RIMS1: variants seen among roughly 807,000 people sequenced by gnomAD.
RIMS1 encodes the protein regulating synaptic membrane exocytosis protein 1.
RIMS1 carries 83 observed loss-of-function variants against 214.1 expected under a neutral mutation model. The observed-to-expected ratio is 0.39, with a 90% CI of 0.32 to 0.47. The LOEUF (loss-of-function observed/expected upper bound fraction) is 0.47, where lower values mean the gene tolerates loss of function less well. RIMS1 is among the 20% of genes least tolerant of loss of function. The pLI, the probability that RIMS1 is intolerant of heterozygous loss-of-function variation, is 0.99. For synonymous variants in RIMS1, 793 were observed against 786.8 expected (o/e 1.01, Z -0.13); for missense variants, 2,050 against 2,161.8 (o/e 0.95, Z 1.03).
chr6:72,368,725 T>C (rs1186462481), intron 29 of RIMS1, among the ~76,000 whole-genome samples: 1 of 152,022 alleles, frequency 6.6e-6, no homozygotes, highest in Admixed American at 6.6e-5. Context: ...AGATGACAAG[T>C]TAGATAAAAG....
intron 2 of RIMS1, among the ~76,000 whole-genome samples, chr6:72,080,913 A>G (rs1833222667): frequency 6.6e-6 from 1 of 152,240 alleles, no homozygotes; most frequent in Admixed American, 6.5e-5. Context: ...CTCAGATGAT[A>G]ATATAATATG....
At chr6:71,889,175 G>A (rs1080064) in intron 1 of RIMS1, among the ~76,000 whole-genome samples, 1,830 of 152,290 alleles carry the variant, frequency 0.012, 15 homozygotes, top group South Asian at 0.041. Flanking sequence ...GGAAGGGGAA[G>A]GCACGGTGCA....
At chr6:72,303,411 T>A (rs908458332) in intron 26 of RIMS1, among the ~76,000 whole-genome samples, 1 of 151,060 alleles carries the variant, frequency 6.6e-6, no homozygotes, top group Non-Finnish European at 1.5e-5. Flanking sequence ...TAGGAATCCT[T>A]AGCAAAGAAT....
At chr6:72,094,629 C>T (rs2030662130) in intron 2 of RIMS1, among the ~76,000 whole-genome samples, 1 of 152,138 alleles carries the variant, frequency 6.6e-6, no homozygotes, top group Admixed American at 6.6e-5. Flanking sequence ...CATTTACATA[C>T]TATCTGTGGC....
At chr6:72,098,637 C>A (rs1175596461) in intron 3 of RIMS1, among the ~76,000 whole-genome samples, 1 of 152,100 alleles carries the variant, frequency 6.6e-6, no homozygotes, top group African/African-American at 2.4e-5. Context: ...GTTACTACCT[C>A]TGTGGCTTTA....
At chr6:72,007,361 G>T (rs1025735795) in intron 2 of RIMS1, among the ~76,000 whole-genome samples, 1 of 152,124 alleles carries the variant, frequency 6.6e-6, no homozygotes, top group Admixed American at 6.6e-5. Context: ...AGGTAAAACC[G>T]CAAAGATGGG....
At position 72,168,476 on chromosome 6, in the gene RIMS1, G is replaced by T. The variant is rs182624613; in HGVS notation, c.472-11099G>T. On this transcript the variant is annotated intron_variant, in intron 4 of 33. Transcript: ENST00000521978. ...TGTGTCCCTTCTTTCCTGATTATTA[G>T]TTTGGGGTGGGCTGTCCACATGTGC... Among the ~76,000 whole-genome samples, 38 of 152,220 alleles carry T rather than the reference G, an allele frequency of 2.5e-4. No homozygotes were observed. The Middle Eastern group carries it at 0.01, about 41-fold the overall frequency.
intron 1 of RIMS1, among the ~76,000 whole-genome samples, chr6:71,953,508 G>A (rs1237566745): frequency 3.3e-5 from 5 of 152,014 alleles, no homozygotes; most frequent in African/African-American, 1.2e-4. Context: ...TTAAGCAGGG[G>A]GGAAAAAGCA....
intron 4 of RIMS1, among the ~76,000 whole-genome samples, chr6:72,122,578 G>A (rs1437576482): frequency 2.0e-5 from 3 of 151,660 alleles, no homozygotes; most frequent in Admixed American, 2.0e-4. Context: ...TGCCTCTGGT[G>A]GAATTTGGCT....
At chr6:72,366,658 A>C in intron 29 of RIMS1, 121 of 905,594 alleles carry the variant, frequency 1.3e-4, no homozygotes, top group South Asian at 1.5e-4. Flanking sequence ...TATATTCTGT[A>C]TATGCATGAG....
chr6:72,065,940 AG>A (rs1829192143), intron 2 of RIMS1, among the ~76,000 whole-genome samples: 1 of 151,870 alleles, frequency 6.6e-6, no homozygotes, highest in African/African-American at 2.4e-5. Flanking sequence ...AAAAAAAAAA[AG>A]GAATTTTGGA....
intron 1 of RIMS1, among the ~76,000 whole-genome samples, chr6:71,888,866 C>T (rs1009699152): frequency 6.6e-6 from 1 of 152,196 alleles, no homozygotes; most frequent in African/African-American, 2.4e-5. Flanking sequence ...GCAGAACCCT[C>T]GTTAATCTGC....
intron 2 of RIMS1, among the ~76,000 whole-genome samples, chr6:72,051,497 G>A (rs1254451877): frequency 6.6e-6 from 1 of 152,164 alleles, no homozygotes; most frequent in South Asian, 2.1e-4. Context: ...TCTAGCGAGA[G>A]AGGCTGAGTT....
chr6:72,129,411 G>A (rs1178642777), intron 4 of RIMS1, among the ~76,000 whole-genome samples: 1 of 152,090 alleles, frequency 6.6e-6, no homozygotes, highest in Non-Finnish European at 1.5e-5. Context: ...TTTGGTCTGA[G>A]TTGCAGTCCT....
At chr6:72,216,525 G>C in intron 6 of RIMS1, 1 of 985,466 alleles carries the variant, frequency 1.0e-6, no homozygotes, top group Non-Finnish European at 1.2e-6. Context: ...GGTGCCAGTT[G>C]TCATTGAGCT....
At chr6:72,064,536 A>AG (rs758308580) in intron 2 of RIMS1, among the ~76,000 whole-genome samples, 19 of 152,328 alleles carry the variant, frequency 1.2e-4, no homozygotes, top group South Asian at 4.1e-4. Flanking sequence ...AAAGGGAAGA[A>AG]GATCAGCCCA....
intron 28 of RIMS1, among the ~76,000 whole-genome samples, chr6:72,319,564 C>T (rs779953652): frequency 1.1e-4 from 16 of 152,154 alleles, no homozygotes; most frequent in Non-Finnish European, 1.8e-4. Flanking sequence ...GCTTTTGACT[C>T]AGATGTGAAT....
At chr6:72,258,835 C>A in intron 17 of RIMS1, 151 bp from the exon 18 acceptor site, 2 of 721,730 alleles carry the variant, frequency 2.8e-6, no homozygotes, top group Non-Finnish European at 2.4e-6. Context: ...AAACAAATAC[C>A]CTTAACTCAT....
At chr6:72,136,311 A>G (rs2041271254) in intron 4 of RIMS1, among the ~76,000 whole-genome samples, 1 of 152,180 alleles carries the variant, frequency 6.6e-6, no homozygotes, top group Non-Finnish European at 1.5e-5. Flanking sequence ...AATATTCCCA[A>G]ATTGTTAAGC....
Sources: gnomAD v4.1 joint callset for allele counts (sites outside exome capture counted in the v4.1 genomes callset) on GRCh38, gnomAD v4.1.1 for gene constraint, MANE v1.5 for transcripts, NCBI Gene and HGNC (gene_info 2026-07-23, HGNC 2026-07-21) for gene names.